Variants in TTC28 observed in about 807,000 individuals in gnomAD.
The protein encoded by TTC28 is tetratricopeptide repeat domain 28.
Under a neutral mutation model 198.0 loss-of-function variants are expected in TTC28, and 61 were observed. The observed-to-expected ratio is 0.31, with a 90% CI of 0.25 to 0.38. TTC28 has a LOEUF of 0.38. Ranked by LOEUF, TTC28 falls within the 10% of genes least tolerant of loss-of-function variation. TTC28 has a pLI of 1.00. For synonymous variants in TTC28, 1,171 were observed against 1,297.8 expected, an observed-to-expected ratio of 0.90 and a Z score of 2.10; for missense variants, 2,678 against 3,164.0, an observed-to-expected ratio of 0.85 and a Z score of 3.69.
intron 12 of TTC28, among the ~76,000 whole-genome samples, chr22:28,051,342 C>T (rs1032047280): frequency 6.6e-6 from 1 of 152,126 alleles, no homozygotes; most frequent in Non-Finnish European, 1.5e-5. Flanking sequence ...AAATAGTTTC[C>T]TGTTTGCCTG....
intron 5 of TTC28, among the ~76,000 whole-genome samples, chr22:28,205,147 T>C (rs1926288159): frequency 6.6e-6 from 1 of 152,062 alleles, no homozygotes; most frequent in African/African-American, 2.4e-5. Context: ...GGAATAAAAA[T>C]AGCCTAAACC....
intron 5 of TTC28, among the ~76,000 whole-genome samples, chr22:28,206,449 ATT>A (rs1926411282): frequency 6.6e-6 from 1 of 152,192 alleles, no homozygotes; most frequent in African/African-American, 2.4e-5. Context: ...TAATTACAGT[ATT>A]TGTGCTAGCC....
intron 1 of TTC28, among the ~76,000 whole-genome samples, chr22:28,679,366 C>T (rs2052053752): frequency 6.6e-6 from 1 of 152,186 alleles, no homozygotes; most frequent in Non-Finnish European, 1.5e-5. Flanking sequence ...CGACACCCCC[C>T]ACCCCGGTGT....
intron 2 of TTC28, among the ~76,000 whole-genome samples, chr22:28,591,026 CACACACACACACACATAT>C (rs1444903759): frequency 1.0e-4 from 8 of 76,306 alleles, no homozygotes; most frequent in Middle Eastern, 0.011. Flanking sequence ...CACACACACA[CACACACACACACACATAT>C]ATATATATAT....
chr22:28,320,157 C>A (rs2045422999), intron 2 of TTC28, among the ~76,000 whole-genome samples: 1 of 152,088 alleles, frequency 6.6e-6, no homozygotes, highest in Admixed American at 6.6e-5. Flanking sequence ...TGCATAAAAG[C>A]ACACATTTGC....
At chr22:28,193,349 C>T (rs1009827667) in intron 5 of TTC28, among the ~76,000 whole-genome samples, 7 of 152,182 alleles carry the variant, frequency 4.6e-5, no homozygotes, top group African/African-American at 1.7e-4. Context: ...ATTGTAAAGA[C>T]CATTGATGCT....
chr22:28,294,785 T>C (rs1189535242), intron 5 of TTC28, among the ~76,000 whole-genome samples: 2 of 152,150 alleles, frequency 1.3e-5, no homozygotes, highest in African/African-American at 2.4e-5. Flanking sequence ...GCCAGGCTGG[T>C]CTTCAACTCC....
intron 2 of TTC28, among the ~76,000 whole-genome samples, chr22:28,322,407 T>G (rs934535030): frequency 6.6e-6 from 1 of 152,198 alleles, no homozygotes; most frequent in Admixed American, 6.5e-5. Flanking sequence ...ATATAGGCTT[T>G]TGGAACAGAA....
chr22:28,442,420 G>A (rs2047639117), intron 2 of TTC28, among the ~76,000 whole-genome samples: 1 of 152,346 alleles, frequency 6.6e-6, no homozygotes, highest in South Asian at 2.1e-4. Flanking sequence ...TCGCCCCCCA[G>A]CGGGGCCCTG....
At chr22:28,164,948 G>A (rs938660328) in intron 5 of TTC28, among the ~76,000 whole-genome samples, 2 of 152,116 alleles carry the variant, frequency 1.3e-5, no homozygotes, top group Admixed American at 1.3e-4. Context: ...TAGACAAATG[G>A]CTAACTAGAA....
intron 12 of TTC28, among the ~76,000 whole-genome samples, chr22:28,087,370 T>G (rs1266563293): frequency 6.6e-6 from 1 of 152,140 alleles, no homozygotes; most frequent in Non-Finnish European, 1.5e-5. Context: ...TGCAAATCAA[T>G]AAATGTAATC....
chr22:28,564,258 A>G (rs1385054596), intron 2 of TTC28, among the ~76,000 whole-genome samples: 1 of 152,222 alleles, frequency 6.6e-6, no homozygotes, highest in Non-Finnish European at 1.5e-5. Flanking sequence ...TGTTTACTTT[A>G]AAATGATTAA....
At chr22:28,364,317 G>A (rs1441214064) in intron 2 of TTC28, among the ~76,000 whole-genome samples, 2 of 152,104 alleles carry the variant, frequency 1.3e-5, no homozygotes, top group Non-Finnish European at 2.9e-5. Flanking sequence ...GCTCCTCCTT[G>A]CCTTCCACCA....
At chr22:28,101,120 T>G in intron 9 of TTC28, 51 bp downstream of exon 9, 1 of 1,374,784 alleles carries the variant, frequency 7.3e-7, no homozygotes. Context: ...TCCTAAAGTC[T>G]CCCATGCTTC....
At chr22:28,488,479 AC>A (rs1272559509) in intron 2 of TTC28, among the ~76,000 whole-genome samples, 1 of 152,134 alleles carries the variant, frequency 6.6e-6, no homozygotes, top group African/African-American at 2.4e-5. Context: ...CTCTTGGTAA[AC>A]CTGCATTATA....
At chr22:28,444,018 T>C (rs924653958) in intron 2 of TTC28, among the ~76,000 whole-genome samples, 2 of 152,228 alleles carry the variant, frequency 1.3e-5, no homozygotes, top group African/African-American at 4.8e-5. Context: ...TAGATTCCAT[T>C]TCCTTCTCTA....
chr22:28,544,208 ACTC>A (rs2049487369), intron 2 of TTC28, among the ~76,000 whole-genome samples: 1 of 152,200 alleles, frequency 6.6e-6, no homozygotes, highest in African/African-American at 2.4e-5. Context: ...ACACAGTGAG[ACTC>A]CGTCTCAAAA....
At chr22:28,301,739 C>A (rs1473703603) in intron 3 of TTC28, among the ~76,000 whole-genome samples, 4 of 152,024 alleles carry the variant, frequency 2.6e-5, no homozygotes, top group African/African-American at 9.7e-5. Context: ...TAGTTTTTTT[C>A]TTTCTTTGTA....
intron 1 of TTC28, among the ~76,000 whole-genome samples, chr22:28,676,923 G>T (rs1434277481): frequency 2.6e-5 from 4 of 151,590 alleles, no homozygotes; most frequent in Non-Finnish European, 4.4e-5. Flanking sequence ...GGGAGCCCGA[G>T]GAGGGTGGAT....
Sources: allele counts gnomAD v4.1 joint callset (sites outside exome capture counted in the v4.1 genomes callset), GRCh38; gene constraint gnomAD v4.1.1; transcripts MANE v1.5; gene names NCBI Gene and HGNC (gene_info 2026-07-23, HGNC 2026-07-21).